ARHGEF7: variants seen among roughly 807,000 people sequenced by gnomAD.
ARHGEF7 encodes Rho guanine nucleotide exchange factor 7, also known as PAK-interacting exchange factor beta.
ARHGEF7 carries 33 observed loss-of-function variants against 109.8 expected under a neutral mutation model. The observed-to-expected ratio is 0.30, with a 90% CI of 0.23 to 0.40. The LOEUF (loss-of-function observed/expected upper bound fraction) is 0.40, where lower values mean the gene tolerates loss of function less well. Ranked by LOEUF, ARHGEF7 falls within the 10% of genes least tolerant of loss-of-function variation. ARHGEF7 has a pLI of 1.00. For missense variants in ARHGEF7, 938 were observed against 1,098.5 expected (o/e 0.85, Z 2.07); for synonymous variants, 458 against 424.6 (o/e 1.08, Z -0.97).
At chr13:111,201,521 T>C (rs1336636747) in intron 2 of ARHGEF7, among the ~76,000 whole-genome samples, 1 of 152,250 alleles carries the variant, frequency 6.6e-6, no homozygotes, top group Non-Finnish European at 1.5e-5. Flanking sequence ...CTCTGTTCAG[T>C]GGGCTTTTTC....
intron 6 of ARHGEF7, among the ~76,000 whole-genome samples, chr13:111,234,508 C>T (rs1346059096): frequency 6.6e-6 from 1 of 152,162 alleles, no homozygotes; most frequent in African/African-American, 2.4e-5. Flanking sequence ...TCGCTGAGCT[C>T]GCACTTGGGT....
At chr13:111,278,910 G>GT (rs893349586) in intron 13 of ARHGEF7, among the ~76,000 whole-genome samples, 34 of 152,180 alleles carry the variant, frequency 2.2e-4, no homozygotes, top group African/African-American at 8.0e-4. Context: ...CCCTTGATGT[G>GT]TTGACAGACT....
At chr13:111,286,712 G>A (rs2093035189) in intron 17 of ARHGEF7, among the ~76,000 whole-genome samples, 1 of 152,198 alleles carries the variant, frequency 6.6e-6, no homozygotes, top group South Asian at 2.1e-4. Context: ...CTCAGGCCTA[G>A]GGGTCTGACT....
chr13:111,287,791 C>T (rs954388496), intron 17 of ARHGEF7, among the ~76,000 whole-genome samples: 1 of 152,202 alleles, frequency 6.6e-6, no homozygotes, highest in Admixed American at 6.5e-5. Flanking sequence ...TAGCACAGCA[C>T]CCTGAGCAGC....
chr13:111,117,684 T>C (rs2066888865), intron 1 of ARHGEF7, among the ~76,000 whole-genome samples: 1 of 152,114 alleles, frequency 6.6e-6, no homozygotes, highest in African/African-American at 2.4e-5. Flanking sequence ...TTTTTCTCTT[T>C]CTTTCTTTCT....
intron 2 of ARHGEF7, chr13:111,203,189 T>G (rs2081384390): frequency 2.0e-6 from 2 of 983,084 alleles, no homozygotes; most frequent in Admixed American, 6.1e-5. Context: ...TGACTTGAAT[T>G]TTCAGAGCAC....
At chr13:111,148,752 C>A (rs560520355) in intron 1 of ARHGEF7, among the ~76,000 whole-genome samples, 4 of 152,290 alleles carry the variant, frequency 2.6e-5, no homozygotes, top group South Asian at 2.1e-4. Flanking sequence ...ATTAAGAAGT[C>A]AATGACTTTA....
At chr13:111,179,081 C>CTT (rs869163230) in intron 2 of ARHGEF7, among the ~76,000 whole-genome samples, 10 of 89,536 alleles carry the variant, frequency 1.1e-4, no homozygotes, top group African/African-American at 4.1e-4. Flanking sequence ...AATGCCTGTT[C>CTT]TTTTTTTTTT....
chr13:111,197,155 C>T (rs1191790530), intron 2 of ARHGEF7, among the ~76,000 whole-genome samples: 2 of 151,816 alleles, frequency 1.3e-5, no homozygotes, highest in African/African-American at 2.4e-5. Flanking sequence ...TAGTTGCGCT[C>T]ACCGACGCAG....
In ARHGEF7 at chr13:111,115,383, A is replaced by G. The variant is rs2066662726; in HGVS notation, c.-144A>G. ...CGCACGGAGAAGCGGGCCGGGCCGG[A>G]CCTGCTGGGCCGCGCCGAGCCAATC... On this transcript the variant is annotated 5_prime_UTR_variant, in exon 1 of 22. Coordinates refer to ENST00000646102, the MANE Select transcript of ARHGEF7 (RefSeq NM_001354046.2). The G allele has an allele frequency of 2.3e-6, 1 of 430,494 alleles. No individual in the cohort carries two copies. The highest frequency in any genetic ancestry group is 2.2e-5 in the African/African-American group (1 of 45,220). The allele number at this position is 430,494 out of a possible 1,614,324, so 26.7% of individuals were successfully genotyped here. A position where few individuals can be genotyped will look rare whatever the true frequency, so the allele number is the denominator to read the frequency against.
chr13:111,173,949 T>TA (rs994933045), intron 2 of ARHGEF7, among the ~76,000 whole-genome samples: 1 of 152,192 alleles, frequency 6.6e-6, no homozygotes, highest in Non-Finnish European at 1.5e-5. Context: ...ATTACTATGA[T>TA]AAAAAATTTA....
intron 4 of ARHGEF7, among the ~76,000 whole-genome samples, chr13:111,214,328 AGGGCTGGCCAAG>A (rs2082858665): frequency 1.3e-5 from 2 of 152,198 alleles, no homozygotes; most frequent in Admixed American, 6.5e-5. Context: ...CTGGAGCCTC[AGGGCTGGCCAAG>A]GGTGATCTCG....
chr13:111,293,436 T>A (rs2093348730), intron 19 of ARHGEF7: 3 of 911,590 alleles, frequency 3.3e-6, no homozygotes, highest in Non-Finnish European at 2.6e-6. Flanking sequence ...CTCACTTATT[T>A]AAAAAAAAAA....
At chr13:111,295,377 C>G (rs955046130) in intron 19 of ARHGEF7, among the ~76,000 whole-genome samples, 2 of 152,208 alleles carry the variant, frequency 1.3e-5, no homozygotes, top group African/African-American at 4.8e-5. Context: ...CTGGACAAGA[C>G]GAAGTCACTC....
chr13:111,279,094 G>A (rs563173433), intron 13 of ARHGEF7, among the ~76,000 whole-genome samples: 2 of 152,322 alleles, frequency 1.3e-5, no homozygotes, highest in East Asian at 3.9e-4. Flanking sequence ...ATGTTCAGAG[G>A]GGCTAGGTTA....
chr13:111,155,224 G>A (rs188903802), intron 2 of ARHGEF7, among the ~76,000 whole-genome samples: 135 of 152,320 alleles, frequency 8.9e-4, no homozygotes, highest in African/African-American at 3.0e-3. Context: ...AAGCATCTTT[G>A]TAGAACCTGT....
At chr13:111,283,734 C>T (rs1238594964) in intron 16 of ARHGEF7, among the ~76,000 whole-genome samples, 1 of 152,228 alleles carries the variant, frequency 6.6e-6, no homozygotes, top group Non-Finnish European at 1.5e-5. Context: ...CGTCTAACGA[C>T]CCCTCCTCTA....
At chr13:111,179,883 C>T (rs1417872678) in intron 2 of ARHGEF7, among the ~76,000 whole-genome samples, 1 of 152,222 alleles carries the variant, frequency 6.6e-6, no homozygotes, top group Non-Finnish European at 1.5e-5. Context: ...CAGCGGAAGG[C>T]ACTTACTGTT....
Position 111,283,232 on chromosome 13 carries a change from C to T in ARHGEF7, c.1819C>T (p.His607Tyr). 6.3e-7 allele frequency: 1 copy of T among 1,590,648 alleles called. No individual in the cohort carries two copies. Among genetic ancestry groups the T allele is most frequent in the Non-Finnish European group, 8.5e-7 (1 of 1,170,594 alleles). Residue 607 changes from histidine (H) to tyrosine (Y), a missense_variant, in exon 16 of 22, where the codon CAC becomes TAC. By Grantham distance (83) the His-to-Tyr change is moderately conservative (BLOSUM62 2). Around this residue, in one of 4 missense-constraint regions of ARHGEF7, gnomAD observed 585 missense variants for 723.6 expected, o/e 0.81. Transcript: ENST00000646102. ...PAYHTLPHPSHHGTPHTTINW... is the reference protein window; with the variant it reads ...PAYHTLPHPSYHGTPHTTINW... ...CTACCACACGCTGCCCCACCCCTCC[C>T]ACCACGGCACCCCGCACACCACCAT...
Sources: allele counts gnomAD v4.1 joint callset (sites outside exome capture counted in the v4.1 genomes callset), GRCh38; gene constraint gnomAD v4.1.1; regional missense constraint gnomAD v4.1.1; transcripts MANE v1.5; gene names NCBI Gene and HGNC (gene_info 2026-07-23, HGNC 2026-07-21).